NVL: variants seen among roughly 807,000 people sequenced by gnomAD.
NVL encodes nuclear valosin-containing protein-like.
In NVL, 84 loss-of-function variants were observed where a neutral mutation model predicts 110.2. The observed-to-expected ratio is 0.76, with a 90% confidence interval of 0.64 to 0.91. The LOEUF is 0.91. Among genes scored for constraint, NVL ranks in the 40% least tolerant of loss-of-function variants. The pLI, the probability that NVL is intolerant of heterozygous loss-of-function variation, is 0.00. For missense variants in NVL, 882 were observed against 1,035.9 expected (o/e 0.85, Z 2.04); for synonymous variants, 354 against 361.1 (o/e 0.98, Z 0.22).
intron 18 of NVL, among the ~76,000 whole-genome samples, chr1:224,253,835 C>G (rs1315193093): frequency 1.3e-5 from 2 of 152,036 alleles, no homozygotes; most frequent in Non-Finnish European, 2.9e-5. Context: ...GTTCCAGTTC[C>G]TCCATATCCT....
At chr1:224,249,423 G>A (rs937611069) in intron 19 of NVL, among the ~76,000 whole-genome samples, 1 of 152,030 alleles carries the variant, frequency 6.6e-6, no homozygotes, top group African/African-American at 2.4e-5. Flanking sequence ...AACGTGTTTG[G>A]CCCACTTATT....
intron 10 of NVL, among the ~76,000 whole-genome samples, chr1:224,300,334 C>A: frequency 6.6e-6 from 1 of 152,080 alleles, no homozygotes; most frequent in Non-Finnish European, 1.5e-5. Flanking sequence ...AATTTCTCAC[C>A]AATTACATTT....
intron 18 of NVL, among the ~76,000 whole-genome samples, chr1:224,253,702 C>T (rs192086947): frequency 2.0e-4 from 28 of 138,052 alleles, no homozygotes; most frequent in African/African-American, 7.2e-4. Context: ...CACTGCACTC[C>T]AGCCTTGGGA....
intron 5 of NVL, among the ~76,000 whole-genome samples, chr1:224,310,084 G>A (rs747125738): frequency 1.3e-5 from 2 of 150,950 alleles, no homozygotes; most frequent in Admixed American, 6.6e-5. Flanking sequence ...TGGGGAGGTG[G>A]AGGCTGCAGT....
chr1:224,329,440 A>G (rs1204526572), intron 1 of NVL, among the ~76,000 whole-genome samples: 1 of 152,170 alleles, frequency 6.6e-6, no homozygotes, highest in Non-Finnish European at 1.5e-5. Context: ...GAGATTGTTT[A>G]GGGGCTGGTG....
intron 16 of NVL, among the ~76,000 whole-genome samples, chr1:224,279,500 G>C (rs1369109770): frequency 3.3e-5 from 5 of 152,098 alleles, no homozygotes; most frequent in Non-Finnish European, 7.4e-5. Flanking sequence ...ACTATTTAAA[G>C]GGGTTTTTTG....
At chr1:224,312,213 T>G (rs2102741151) in intron 4 of NVL, 1 of 166,664 alleles carries the variant, frequency 6.0e-6, no homozygotes, top group South Asian at 1.6e-4. Context: ...AGATACAAAT[T>G]CCCTCAGGCC....
chr1:224,321,687 C>T (rs986173827), intron 2 of NVL, among the ~76,000 whole-genome samples: 2 of 149,340 alleles, frequency 1.3e-5, no homozygotes, highest in East Asian at 2.0e-4. Flanking sequence ...ACCCAGGAGG[C>T]GGAGGTTGCA....
intron 20 of NVL, among the ~76,000 whole-genome samples, chr1:224,236,238 T>C (rs1331250874): frequency 1.3e-5 from 2 of 152,112 alleles, no homozygotes; most frequent in South Asian, 2.1e-4. Context: ...CCAGTACAAT[T>C]TGTAAAGGAC....
At chr1:224,305,350 C>A in intron 6 of NVL, 184 bp from the exon 7 acceptor site, 1 of 580,792 alleles carries the variant, frequency 1.7e-6, no homozygotes, top group Non-Finnish European at 3.0e-6. Flanking sequence ...TCCTCATTCC[C>A]TTAAAGCTCA....
rs1175058152 is a variant in NVL, at chr1:224,311,925, A to C, written c.285-68T>G. 11 of 1,182,470 alleles carry C rather than the reference A, an allele frequency of 9.3e-6. No individual in the cohort carries two copies. In the East Asian group the frequency reaches 1.4e-4, roughly 15 times the overall value. 73.2% of individuals were successfully genotyped at this position (1,182,470 alleles called of 1,614,324 possible). A position where few individuals can be genotyped will look rare whatever the true frequency, so the allele number is the denominator to read the frequency against. ...CATATCCTAAAAAAATGACTACCCA[A>C]AACAAGTAAATATATTCAGCCAAAA... is the stretch of plus-strand genomic sequence containing the variant. On this transcript the variant is annotated intron_variant, in intron 4 of 22. Coordinates refer to ENST00000281701, the MANE Select transcript of NVL (RefSeq NM_002533.4).
intron 18 of NVL, among the ~76,000 whole-genome samples, chr1:224,252,314 C>A (rs752670210): frequency 3.9e-5 from 6 of 152,122 alleles, no homozygotes; most frequent in Non-Finnish European, 5.9e-5. Flanking sequence ...ACAGAGCAAG[C>A]CCCATACCTG....
chr1:224,279,473 G>C (rs1325434984), intron 16 of NVL, among the ~76,000 whole-genome samples: 1 of 152,046 alleles, frequency 6.6e-6, no homozygotes, highest in East Asian at 1.9e-4. Context: ...ACCAAACCAA[G>C]TTGCAAAATA....
chr1:224,330,033 G>A (rs1316654490), intron 1 of NVL, 38 bp downstream of exon 1: 2 of 1,607,578 alleles, frequency 1.2e-6, no homozygotes, highest in Non-Finnish European at 1.7e-6. Flanking sequence ...GGCAGCGATC[G>A]GGGCCCTTGG....
intron 19 of NVL, among the ~76,000 whole-genome samples, chr1:224,237,909 G>T (rs575937593): frequency 2.1e-5 from 3 of 145,582 alleles, no homozygotes; most frequent in Non-Finnish European, 4.4e-5. Context: ...AGCCATGATC[G>T]CACCATTGCA....
chr1:224,296,359 C>CA (rs1571985583), intron 11 of NVL, 142 bp downstream of exon 11: 1 of 489,974 alleles, frequency 2.0e-6, no homozygotes, highest in East Asian at 3.4e-5. Flanking sequence ...GGATTACAGG[C>CA]ATGAGCCACT....
At chr1:224,242,873 T>G (rs1449016739) in intron 19 of NVL, among the ~76,000 whole-genome samples, 1 of 147,460 alleles carries the variant, frequency 6.8e-6, no homozygotes, top group Non-Finnish European at 1.5e-5. Flanking sequence ...TTGCCCAGGC[T>G]GGAGTGCAAC....
In NVL at chr1:224,304,650, C is replaced by A; in HGVS notation, c.825+86G>T. Reference sequence around the variant, plus strand: ...CCAGTTTCCTTTTCTACACCCAGATCATATTAGAAACAAAGAGGTAGGCTT... The same window carrying A: ...CCAGTTTCCTTTTCTACACCCAGATAATATTAGAAACAAAGAGGTAGGCTT... On this transcript the variant is annotated intron_variant, in intron 8 of 22. Transcript: ENST00000281701. 4 of 1,165,328 alleles carry A rather than the reference C, an allele frequency of 3.4e-6. No homozygotes were observed. In the Admixed American group the frequency reaches 7.3e-5, roughly 21 times the overall value. The allele number at this position is 1,165,328 out of a possible 1,614,324, so 72.2% of individuals were successfully genotyped here.
At position 224,251,953 on chromosome 1, in the gene NVL, C is replaced by T. The variant is rs115224385; in HGVS notation, c.2183-1635G>A. On this transcript the variant is annotated intron_variant, in intron 18 of 22. Transcript: ENST00000281701. ...GCTAGTGTTATTGTCCTAAAATACACGTCCAATTCTCTCAAATTCCGCTCC... is the reference window on the plus strand; with the variant it reads ...GCTAGTGTTATTGTCCTAAAATACATGTCCAATTCTCTCAAATTCCGCTCC... Among the ~76,000 whole-genome samples, 551 of 152,234 alleles carry T rather than the reference C, an allele frequency of 3.6e-3. 6 individuals carry two copies. Among genetic ancestry groups the T allele is most frequent in the African/African-American group, 0.012 (505 of 41,530 alleles).
Sources: allele counts gnomAD v4.1 joint callset (sites outside exome capture counted in the v4.1 genomes callset), GRCh38; gene constraint gnomAD v4.1.1; transcripts MANE v1.5; gene names NCBI Gene and HGNC (gene_info 2026-07-23, HGNC 2026-07-21).